The following SLC9A9 variants were observed in gnomAD, a reference collection of about 807,000 sequenced individuals.
SLC9A9 encodes the protein sodium/hydrogen exchanger 9.
A neutral mutation model predicts 77.8 loss-of-function variants in SLC9A9; 62 were observed. The observed-to-expected ratio is 0.80, with a 90% CI of 0.65 to 0.98. SLC9A9 has a LOEUF of 0.98. Among genes scored for constraint, SLC9A9 ranks in the 50% least tolerant of loss-of-function variants. The probability of loss-of-function intolerance (pLI) is 0.00; values close to 1 mark genes in which losing one functional copy is unlikely to be tolerated. For synonymous variants in SLC9A9, 320 were observed against 283.5 expected, an observed-to-expected ratio of 1.13 and a Z score of -1.29; for missense variants, 775 against 774.9, an observed-to-expected ratio of 1.00 and a Z score of 0.00.
At chr3:143,546,889 T>C (rs1433456078) in intron 9 of SLC9A9, among the ~76,000 whole-genome samples, 3 of 152,348 alleles carry the variant, frequency 2.0e-5, no homozygotes, top group African/African-American at 7.2e-5. Context: ...AAAACTCCGT[T>C]GAAGGACTTG....
At chr3:143,276,925 G>A (rs528395994) in intron 14 of SLC9A9, among the ~76,000 whole-genome samples, 2 of 152,196 alleles carry the variant, frequency 1.3e-5, no homozygotes, top group Admixed American at 6.5e-5. Flanking sequence ...GGATGATTAA[G>A]TATTAATAAT....
intron 14 of SLC9A9, among the ~76,000 whole-genome samples, chr3:143,348,792 T>C (rs2032371441): frequency 6.6e-6 from 1 of 152,208 alleles, no homozygotes; most frequent in African/African-American, 2.4e-5. Flanking sequence ...TAGGAGTTCA[T>C]GAAATTGTGT....
intron 9 of SLC9A9, among the ~76,000 whole-genome samples, chr3:143,529,498 T>C (rs1192160373): frequency 6.6e-6 from 1 of 152,216 alleles, no homozygotes; most frequent in Non-Finnish European, 1.5e-5. Context: ...CAGTGGATTT[T>C]GGAAGGATTC....
At chr3:143,710,332 C>T (rs1278644081) in intron 4 of SLC9A9, among the ~76,000 whole-genome samples, 2 of 152,194 alleles carry the variant, frequency 1.3e-5, no homozygotes, top group Non-Finnish European at 2.9e-5. Context: ...AGCTATCAGC[C>T]ATGATTTTTC....
intron 12 of SLC9A9, among the ~76,000 whole-genome samples, chr3:143,465,247 C>T (rs2035263860): frequency 6.6e-6 from 1 of 152,214 alleles, no homozygotes; most frequent in Non-Finnish European, 1.5e-5. Context: ...TGGTTCACAT[C>T]AGTATCTCTC....
At chr3:143,732,984 C>T (rs538352157) in intron 4 of SLC9A9, among the ~76,000 whole-genome samples, 3 of 152,258 alleles carry the variant, frequency 2.0e-5, no homozygotes, top group Middle Eastern at 3.4e-3. Context: ...CCATCAATGA[C>T]CTGAACATCA....
chr3:143,816,138 C>A (rs74600163), intron 2 of SLC9A9, among the ~76,000 whole-genome samples: 6,465 of 152,280 alleles, frequency 0.042, 311 homozygotes, highest in African/African-American at 0.12. Context: ...CCCTTTCCTT[C>A]CATTACTGTA....
At chr3:143,600,566 A>G (rs1434933790) in intron 6 of SLC9A9, among the ~76,000 whole-genome samples, 2 of 152,184 alleles carry the variant, frequency 1.3e-5, no homozygotes, top group Non-Finnish European at 2.9e-5. Context: ...TACTATTTCT[A>G]AATATCAATG....
At chr3:143,444,008 A>G (rs1468473229) in intron 12 of SLC9A9, among the ~76,000 whole-genome samples, 2 of 152,154 alleles carry the variant, frequency 1.3e-5, no homozygotes, top group Non-Finnish European at 2.9e-5. Flanking sequence ...GTAATGACTT[A>G]ACATCCCTTC....
intron 2 of SLC9A9, among the ~76,000 whole-genome samples, chr3:143,818,771 G>C (rs2009086074): frequency 1.3e-5 from 2 of 152,036 alleles, no homozygotes; most frequent in South Asian, 4.2e-4. Context: ...TTAGTATTAT[G>C]AATGTTAACG....
At chr3:143,487,815 C>T (rs1426235749) in intron 11 of SLC9A9, among the ~76,000 whole-genome samples, 1 of 151,378 alleles carries the variant, frequency 6.6e-6, no homozygotes, top group East Asian at 1.9e-4. Context: ...AACCCAACAA[C>T]CTAACTTCAC....
chr3:143,276,269 A>C (rs949082170), intron 14 of SLC9A9, among the ~76,000 whole-genome samples: 15 of 152,358 alleles, frequency 9.8e-5, no homozygotes, highest in Non-Finnish European at 2.2e-4. Context: ...AAAACATTCC[A>C]ACTATACTTT....
intron 8 of SLC9A9, among the ~76,000 whole-genome samples, chr3:143,559,629 C>T (rs2037047647): frequency 6.6e-6 from 1 of 151,814 alleles, no homozygotes; most frequent in Non-Finnish European, 1.5e-5. Flanking sequence ...TGAATAGAGG[C>T]CAATTTTCTC....
At chr3:143,609,766 C>T (rs971307618) in intron 6 of SLC9A9, among the ~76,000 whole-genome samples, 5 of 152,168 alleles carry the variant, frequency 3.3e-5, no homozygotes, top group African/African-American at 9.7e-5. Flanking sequence ...TATTAGATAT[C>T]TTTCCACATC....
chr3:143,569,814 CTTTT>C (rs530202918), intron 8 of SLC9A9, among the ~76,000 whole-genome samples: 6 of 133,384 alleles, frequency 4.5e-5, no homozygotes, highest in Non-Finnish European at 4.8e-5. Flanking sequence ...TTGTTTTTTT[CTTTT>C]TTTTTTTTTT....
At chr3:143,408,540 A>G (rs2034029306) in intron 12 of SLC9A9, among the ~76,000 whole-genome samples, 1 of 152,262 alleles carries the variant, frequency 6.6e-6, no homozygotes, top group African/African-American at 2.4e-5. Flanking sequence ...CCAATTATTC[A>G]AGAAATAACC....
chr3:143,491,305 T>C (rs973550419), intron 11 of SLC9A9, among the ~76,000 whole-genome samples: 4 of 152,212 alleles, frequency 2.6e-5, no homozygotes, highest in African/African-American at 9.7e-5. Flanking sequence ...GTTATTGTTT[T>C]TCTTCCAGAG....
chr3:143,266,509 G>T lies in SLC9A9; in HGVS notation c.*193C>A. 1.6e-6 allele frequency: 1 copy of T among 644,458 alleles called. No homozygotes were observed. The highest frequency in any genetic ancestry group is 2.7e-6 in the Non-Finnish European group (1 of 369,388). 39.9% of individuals were successfully genotyped at this position (644,458 alleles called of 1,614,324 possible). A position where few individuals can be genotyped will look rare whatever the true frequency, so the allele number is the denominator to read the frequency against. ...TGCTGTCAAAAAACTAAATTCATTT[G>T]CATAATAGAGAGGGATAATAAAATC... On this transcript the variant is annotated 3_prime_UTR_variant, in exon 16 of 16. Coordinates refer to ENST00000316549, the MANE Select transcript of SLC9A9 (RefSeq NM_173653.4).
At chr3:143,632,414 G>A (rs2038443207) in intron 6 of SLC9A9, among the ~76,000 whole-genome samples, 1 of 152,050 alleles carries the variant, frequency 6.6e-6, no homozygotes, top group Non-Finnish European at 1.5e-5. Context: ...AATTATGTTT[G>A]GCCATCACAT....
Sources: gnomAD v4.1 joint callset for allele counts (sites outside exome capture counted in the v4.1 genomes callset) on GRCh38, gnomAD v4.1.1 for gene constraint, MANE v1.5 for transcripts, NCBI Gene and HGNC (gene_info 2026-07-23, HGNC 2026-07-21) for gene names.